The following FBXL19 variants were observed in gnomAD, a reference collection of about 807,000 sequenced individuals.
FBXL19 encodes F-box and leucine rich repeat protein 19, also known as F-box/LRR-repeat protein 19.
In FBXL19, 16 loss-of-function variants were observed where a neutral mutation model predicts 71.2. That is an observed-to-expected ratio of 0.22 (90% CI 0.15 to 0.34). The LOEUF (loss-of-function observed/expected upper bound fraction) is 0.34, where lower values mean the gene tolerates loss of function less well. Ranked by LOEUF, FBXL19 falls within the 10% of genes least tolerant of loss-of-function variation. The pLI, the probability that FBXL19 is intolerant of heterozygous loss-of-function variation, is 1.00. For synonymous variants in FBXL19, 447 were observed against 409.4 expected (o/e 1.09, Z -1.11); for missense variants, 658 against 968.2 (o/e 0.68, Z 4.25).
intron 7 of FBXL19, among the ~76,000 whole-genome samples, chr16:30,935,056 A>T (rs1313389412): frequency 1.3e-5 from 2 of 152,138 alleles, no homozygotes; most frequent in Non-Finnish European, 2.9e-5. Flanking sequence ...GCCAAGGAGG[A>T]TGCTGGTGAG....
rs1483139700 is a variant in FBXL19, at chr16:30,942,984, G to T, written c.1627+448G>T. Among the ~76,000 whole-genome samples, 1 of 152,224 alleles carries T rather than the reference G, an allele frequency of 6.6e-6. No homozygotes were observed. Among genetic ancestry groups the T allele is most frequent in the Non-Finnish European group, 1.5e-5 (1 of 68,034 alleles). ...GCATAATACTGGGCAATTGTGGAGT[G>T]CCTTGATGCACATCTGTGCCCTCCT... On this transcript the variant is annotated intron_variant, in intron 9 of 10. Transcript: ENST00000338343. This position sits in a 1 kb window ranked among gnomAD's most constrained non-coding sequence, Gnocchi z 5.7.
intron 7 of FBXL19, among the ~76,000 whole-genome samples, chr16:30,934,160 G>A (rs1358656480): frequency 1.3e-5 from 2 of 151,294 alleles, no homozygotes; most frequent in African/African-American, 4.8e-5. Context: ...TCAGGAGTTC[G>A]AGACCAGCCT....
Position 30,947,943 on chromosome 16 carries a change from TC to T in FBXL19, c.*714del. ...GGGCCGCGGGCAGCCGCTCTTCAGC[TC>T]GCGGCCCAGGGGAGTGGCGAGGGGC... On this transcript the variant is annotated 3_prime_UTR_variant, in exon 11 of 11. Transcript: ENST00000338343. 4.5e-6 allele frequency: 2 copies of T among 444,340 alleles called. No homozygotes were observed. The highest frequency in any genetic ancestry group is 3.2e-5 in the South Asian group (2 of 63,076). 27.5% of individuals were successfully genotyped at this position (444,340 alleles called of 1,614,324 possible). A position where few individuals can be genotyped will look rare whatever the true frequency, so the allele number is the denominator to read the frequency against.
chr16:30,933,844 C>T (rs2143343362), intron 7 of FBXL19, among the ~76,000 whole-genome samples: 1 of 151,876 alleles, frequency 6.6e-6, no homozygotes, highest in African/African-American at 2.4e-5. Context: ...CCTCCACCTC[C>T]TGGGTTCAAT....
chr16:30,929,175 C>A (rs1176860849), intron 6 of FBXL19, among the ~76,000 whole-genome samples: 1 of 152,202 alleles, frequency 6.6e-6, no homozygotes, highest in Non-Finnish European at 1.5e-5. Flanking sequence ...ACACTCAACA[C>A]AGGAGTCCGC....
chr16:30,946,714 T>C lies in FBXL19; in HGVS notation c.1628-16T>C. 1.2e-6 allele frequency: 2 copies of C among 1,607,678 alleles called. No homozygotes were observed. The highest frequency in any genetic ancestry group is 1.7e-6 in the Non-Finnish European group (2 of 1,177,800). ...GGGAGTGGCCAGGAGTGCTGACCTC[T>C]CATCTGGCTGCCCAGGGCAAACAGA... is the stretch of plus-strand genomic sequence containing the variant. On this transcript the variant is annotated splice_polypyrimidine_tract_variant and intron_variant, in intron 9 of 10. Transcript: ENST00000338343. The surrounding 1 kb of genome is among the most constrained non-coding windows in gnomAD (Gnocchi z 6.7).
Position 30,948,555 on chromosome 16 carries a change from T to G in FBXL19, c.*1325T>G, listed in dbSNP as rs940949717. The G allele has an allele frequency of 8.0e-5, 8 of 100,156 alleles. No homozygotes were observed. The highest frequency in any genetic ancestry group is 3.4e-4 in the East Asian group (1 of 2,920). The allele number at this position is 100,156 out of a possible 1,614,324, so 6.2% of individuals were successfully genotyped here. A position where few individuals can be genotyped will look rare whatever the true frequency, so the allele number is the denominator to read the frequency against. On this transcript the variant is annotated 3_prime_UTR_variant, in exon 11 of 11. Coordinates refer to ENST00000338343, the MANE Select transcript of FBXL19 (RefSeq NM_001382779.1). Reference sequence around the variant, plus strand: ...TACCATGTAGGGGAGGGGAGATCTATCCACATACCTCAGGTAACAGGGAGG... The same window carrying G: ...TACCATGTAGGGGAGGGGAGATCTAGCCACATACCTCAGGTAACAGGGAGG...
In FBXL19 at chr16:30,930,666, CTCTGGGCCTT is replaced by C. The variant is rs1305122372; in HGVS notation, c.1301+83_1301+92del. ...TGACCTGCGGTAGGTCTCTGGCCCT[CTCTGGGCCTT>C]GCTTTTATATTGGGGATACTTCTCT... On this transcript the variant is annotated intron_variant, in intron 7 of 10. Transcript: ENST00000338343. This position sits in a 1 kb window ranked among gnomAD's most constrained non-coding sequence, Gnocchi z 8.5. 7.4e-7 allele frequency: 1 copy of C among 1,347,952 alleles called. No individual in the cohort carries two copies. The highest frequency in any genetic ancestry group is 9.6e-7 in the Non-Finnish European group (1 of 1,043,246). 83.5% of individuals were successfully genotyped at this position (1,347,952 alleles called of 1,614,324 possible).
chr16:30,927,155 G>A (rs1025106996), intron 2 of FBXL19, among the ~76,000 whole-genome samples, 153 bp from the exon 3 acceptor site: 6 of 152,218 alleles, frequency 3.9e-5, no homozygotes, highest in East Asian at 1.9e-4. Context: ...GTTGCTTGAG[G>A]TCACACTCCC....
In FBXL19 at chr16:30,930,528, C is replaced by T; in HGVS notation, c.1245C>T (p.His415=). The T allele has an allele frequency of 2.0e-6, 3 of 1,509,702 alleles. No homozygotes were observed. The highest frequency in any genetic ancestry group is 2.6e-6 in the Non-Finnish European group (3 of 1,136,648). 93.5% of individuals were successfully genotyped at this position (1,509,702 alleles called of 1,614,324 possible). The change falls in exon 7 of 11, where the codon CAC becomes CAT. Residue 415 remains histidine (H), a synonymous_variant. Transcript: ENST00000338343. The surrounding 1 kb of genome is among the most constrained non-coding windows in gnomAD (Gnocchi z 8.5). ...PRAAWLRVFQ[H]LGPRELCICM... is the part of the protein sequence containing the mutation. ...CCGCCTGGCTTCGCGTCTTCCAGCACCTCGGGCCGCGGGAGCTGTGTATCT... is the reference window on the plus strand; with the variant it reads ...CCGCCTGGCTTCGCGTCTTCCAGCATCTCGGGCCGCGGGAGCTGTGTATCT...
rs1441878957 is a variant in FBXL19 at position 30,939,452 on chromosome 16, C to T, written c.1302-2664C>T. ...TTTTTGAGACGGAGTCTCGCTCTGT[C>T]GCCCAGGCTGGAGTGCAGTGGCACG... On this transcript the variant is annotated intron_variant, in intron 7 of 10. Coordinates refer to ENST00000338343, the MANE Select transcript of FBXL19 (RefSeq NM_001382779.1). Among the ~76,000 whole-genome samples, 7 of 145,140 alleles carry T rather than the reference C, an allele frequency of 4.8e-5. 1 individual carries two copies. Among genetic ancestry groups the T allele is most frequent in the African/African-American group, 1.5e-4 (6 of 39,028 alleles).
At chr16:30,932,600 A>G (rs937683992) in intron 7 of FBXL19, among the ~76,000 whole-genome samples, 1 of 152,168 alleles carries the variant, frequency 6.6e-6, no homozygotes, top group Non-Finnish European at 1.5e-5. Flanking sequence ...TGGTTTTCTC[A>G]TCTGTAGTCT....
intron 7 of FBXL19, among the ~76,000 whole-genome samples, chr16:30,939,337 C>G (rs1232237079): frequency 6.6e-6 from 1 of 151,852 alleles, no homozygotes; most frequent in Non-Finnish European, 1.5e-5. Flanking sequence ...TCCCAAAGTG[C>G]TGGGATTACA....
rs2055581882 is a variant in FBXL19, at chr16:30,925,691, C to T, written c.-24-40C>T. On this transcript the variant is annotated intron_variant, in intron 1 of 10. Transcript: ENST00000338343. The surrounding 1 kb of genome is among the most constrained non-coding windows in gnomAD (Gnocchi z 5.0). Reference sequence around the variant, plus strand: ...TGTCAGGGGTCTCCCAGGCCAGGGCCCCAGTGGGCCCATCTGACCCTGCCA... The same window carrying T: ...TGTCAGGGGTCTCCCAGGCCAGGGCTCCAGTGGGCCCATCTGACCCTGCCA... The T allele has an allele frequency of 4.1e-6, 6 of 1,466,180 alleles. No homozygotes were observed. The highest frequency in any genetic ancestry group is 4.5e-6 in the Non-Finnish European group (5 of 1,117,430). 90.8% of individuals were successfully genotyped at this position (1,466,180 alleles called of 1,614,324 possible).
At chr16:30,938,960 T>G (rs2055768397) in intron 7 of FBXL19, among the ~76,000 whole-genome samples, 1 of 152,022 alleles carries the variant, frequency 6.6e-6, no homozygotes, top group Non-Finnish European at 1.5e-5. Context: ...TTTCTAACAC[T>G]TCTCTGATAC....
rs368468198 is a variant in FBXL19, at chr16:30,947,878, C to T, written c.*648C>T. On this transcript the variant is annotated 3_prime_UTR_variant, in exon 11 of 11. Transcript: ENST00000338343. ...AGTTCCTTCCCCCTGACCCTGACTC[C>T]TTGAACGTCACTGAAAACGGCAGCT... The T allele has an allele frequency of 7.5e-5, 34 of 454,966 alleles. No homozygotes were observed. In the East Asian group the frequency reaches 2.1e-3, roughly 28 times the overall value. The allele number at this position is 454,966 out of a possible 1,614,324, so 28.2% of individuals were successfully genotyped here.
intron 7 of FBXL19, among the ~76,000 whole-genome samples, chr16:30,932,720 T>C (rs908966630): frequency 3.3e-5 from 5 of 151,332 alleles, no homozygotes; most frequent in African/African-American, 1.2e-4. Flanking sequence ...CACCTCCCAA[T>C]GAAAAGGACA....
In FBXL19 at chr16:30,938,180, G is replaced by C. The variant is rs573167605; in HGVS notation, c.1302-3936G>C. Among the ~76,000 whole-genome samples the C allele has an allele frequency of 3.3e-5, 5 of 152,088 alleles. No homozygotes were observed. The East Asian group carries it at 9.7e-4, about 29-fold the overall frequency. On this transcript the variant is annotated intron_variant, in intron 7 of 10. Coordinates refer to ENST00000338343, the MANE Select transcript of FBXL19 (RefSeq NM_001382779.1). ...GAGTGGCAGAGGGGTGAAGGTGTTC[G>C]GACTGAAGCCTTGGTGTCTGTGCCC... is the stretch of plus-strand genomic sequence containing the variant.
Position 30,947,664 on chromosome 16 carries a change from T to C in FBXL19, c.*434T>C. 3.4e-6 allele frequency: 1 copy of C among 290,794 alleles called. No homozygotes were observed. The highest frequency in any genetic ancestry group is 2.4e-5 in the South Asian group (1 of 41,224). 18.0% of individuals were successfully genotyped at this position (290,794 alleles called of 1,614,324 possible). ...CAAGGGTTCAGGGAACAAAGACCAG[T>C]TACTTGGAGTGGGGGGTGGGGGTGG... is the stretch of plus-strand genomic sequence containing the variant. On this transcript the variant is annotated 3_prime_UTR_variant, in exon 11 of 11. Coordinates refer to ENST00000338343, the MANE Select transcript of FBXL19 (RefSeq NM_001382779.1).
Sources: gnomAD v4.1 joint callset for allele counts (sites outside exome capture counted in the v4.1 genomes callset) on GRCh38, gnomAD v4.1.1 for gene constraint, Gnocchi (gnomAD v3.1) non-coding constraint, MANE v1.5 for transcripts, NCBI Gene and HGNC (gene_info 2026-07-23, HGNC 2026-07-21) for gene names.